The following PRKAG2 variants were observed in gnomAD, a reference collection of about 807,000 sequenced individuals.
The protein encoded by PRKAG2 is 5'-AMP-activated protein kinase subunit gamma-2.
Under a neutral mutation model 69.6 loss-of-function variants are expected in PRKAG2, and 26 were observed. The ratio of observed to expected loss-of-function variants is 0.37; its 90% CI spans 0.27 to 0.52. The LOEUF is 0.52. Among genes scored for constraint, PRKAG2 ranks in the 20% least tolerant of loss-of-function variants. The pLI, the probability that PRKAG2 is intolerant of heterozygous loss-of-function variation, is 0.90. For synonymous variants in PRKAG2, 293 were observed against 285.0 expected (o/e 1.03, Z -0.28); for missense variants, 557 against 740.0 (o/e 0.75, Z 2.87).
At chr7:151,562,305 G>A (rs574728337) in intron 14 of PRKAG2, among the ~76,000 whole-genome samples, 41 of 147,898 alleles carry the variant, frequency 2.8e-4, no homozygotes, top group African/African-American at 1.0e-3. Flanking sequence ...GCAGCTCTGT[G>A]CCGGCTGCGC....
chr7:151,805,066 G>A (rs1409691104), intron 1 of PRKAG2, among the ~76,000 whole-genome samples: 1 of 152,226 alleles, frequency 6.6e-6, no homozygotes, highest in Non-Finnish European at 1.5e-5. Context: ...TACATGTGCT[G>A]TCTCCTGTTG....
rs762318729 is a variant in PRKAG2, at chr7:151,814,552, C to T, written c.115-28011G>A. On this transcript the variant is annotated intron_variant, in intron 1 of 15. Transcript: ENST00000287878. The surrounding 1 kb of genome is among the most constrained non-coding windows in gnomAD (Gnocchi z 4.8). The stretch of plus-strand genomic sequence containing the variant: ...CTCTGACAAATCCTGCTGCCTCACT[C>T]GAAAGGTCCATCAGAGAAGGGGTTT... 1,049 of 1,231,512 alleles carry T rather than the reference C, an allele frequency of 8.5e-4. No individual in the cohort carries two copies. The highest frequency in any genetic ancestry group is 1.0e-3 in the Non-Finnish European group (988 of 988,002). The allele number at this position is 1,231,512 out of a possible 1,614,324, so 76.3% of individuals were successfully genotyped here.
chr7:151,707,658 C>T lies in PRKAG2; in HGVS notation c.467-32021G>A, dbSNP rs528022958. 5.9e-5 allele frequency among the ~76,000 whole-genome samples: 9 copies of T among 152,324 alleles called. No individual in the cohort carries two copies. The East Asian group carries it at 7.7e-4, about 13-fold the overall frequency. On this transcript the variant is annotated intron_variant, in intron 3 of 15. Coordinates refer to ENST00000287878, the MANE Select transcript of PRKAG2 (RefSeq NM_016203.4). ...ATGCAGCCATCTGATGTCACCACCTCATCTCCAGAAGGAGTCCTGAGGGAG... is the reference window on the plus strand; with the variant it reads ...ATGCAGCCATCTGATGTCACCACCTTATCTCCAGAAGGAGTCCTGAGGGAG...
At chr7:151,742,103 A>C (rs915501213) in intron 3 of PRKAG2, among the ~76,000 whole-genome samples, 13 of 152,176 alleles carry the variant, frequency 8.5e-5, no homozygotes, top group African/African-American at 3.1e-4. Flanking sequence ...TGGTAAGTTG[A>C]GAGAAGATGG....
chr7:151,561,791 G>C (rs985102855), intron 14 of PRKAG2, among the ~76,000 whole-genome samples: 1 of 151,992 alleles, frequency 6.6e-6, no homozygotes, highest in Non-Finnish European at 1.5e-5. Flanking sequence ...AAATTAGCCA[G>C]AAGTGCTGGT....
At chr7:151,806,011 C>T (rs1563706714) in intron 1 of PRKAG2, among the ~76,000 whole-genome samples, 1 of 152,160 alleles carries the variant, frequency 6.6e-6, no homozygotes, top group Non-Finnish European at 1.5e-5. Flanking sequence ...CCAGCCTGGC[C>T]AAACCTGTCT....
intron 3 of PRKAG2, among the ~76,000 whole-genome samples, chr7:151,686,393 T>C (rs1173779424): frequency 6.6e-6 from 1 of 152,166 alleles, no homozygotes; most frequent in Admixed American, 6.5e-5. Flanking sequence ...ACAGCTCCCT[T>C]CTATGGAAGA....
chr7:151,701,275 C>T (rs1380266865), intron 3 of PRKAG2, among the ~76,000 whole-genome samples: 5 of 152,216 alleles, frequency 3.3e-5, no homozygotes, highest in Non-Finnish European at 5.9e-5. Flanking sequence ...CCTCACATAG[C>T]TATTTCTTTA....
intron 3 of PRKAG2, among the ~76,000 whole-genome samples, chr7:151,775,220 A>G (rs1292115751): frequency 6.6e-6 from 1 of 152,056 alleles, no homozygotes; most frequent in Non-Finnish European, 1.5e-5. Context: ...TTCCCGCCCT[A>G]CCTCCTGGTT....
chr7:151,821,056 G>A (rs995404891), intron 1 of PRKAG2, among the ~76,000 whole-genome samples: 1 of 152,262 alleles, frequency 6.6e-6, no homozygotes, highest in African/African-American at 2.4e-5. Context: ...AAGGAAAGCT[G>A]TGGAGACAGG....
chr7:151,856,396 C>T (rs73728426), intron 1 of PRKAG2, among the ~76,000 whole-genome samples: 2 of 152,210 alleles, frequency 1.3e-5, no homozygotes, highest in East Asian at 1.9e-4. Context: ...CGGGCCCCTG[C>T]GGAGGCTTGC....
chr7:151,558,011 A>C (rs1191602937), intron 15 of PRKAG2: 1 of 984,892 alleles, frequency 1.0e-6, no homozygotes, highest in African/African-American at 1.7e-5. Context: ...TCATCACAGG[A>C]GCTTCTCTCC....
intron 3 of PRKAG2, among the ~76,000 whole-genome samples, chr7:151,688,794 T>C (rs1835169830): frequency 1.3e-5 from 2 of 152,236 alleles, no homozygotes; most frequent in African/African-American, 4.8e-5. Flanking sequence ...GAATGAAGCA[T>C]GGGTACACAG....
chr7:151,649,282 C>T (rs1170756391), intron 4 of PRKAG2, among the ~76,000 whole-genome samples: 1 of 152,160 alleles, frequency 6.6e-6, no homozygotes, highest in African/African-American at 2.4e-5. Context: ...CCTACCACCA[C>T]ACCTGGCTAA....
At chr7:151,801,547 G>A (rs925478407) in intron 1 of PRKAG2, among the ~76,000 whole-genome samples, 2 of 152,234 alleles carry the variant, frequency 1.3e-5, no homozygotes, top group African/African-American at 2.4e-5. Context: ...TGGGCAGCTG[G>A]TTCATCGGGG....
rs1295405743 is a variant in PRKAG2 at position 151,614,276 on chromosome 7, A to G, written c.754+17793T>C. ...TCTGAGGGTATCCTCAGGAGCTCGCAGGGGACATGGGGCAGGGGCTGGCAC... is the reference window on the plus strand; with the variant it reads ...TCTGAGGGTATCCTCAGGAGCTCGCGGGGGACATGGGGCAGGGGCTGGCAC... On this transcript the variant is annotated intron_variant, in intron 5 of 15. Coordinates refer to ENST00000287878, the MANE Select transcript of PRKAG2 (RefSeq NM_016203.4). The surrounding 1 kb of genome is among the most constrained non-coding windows in gnomAD (Gnocchi z 4.4). Among the ~76,000 whole-genome samples the G allele has an allele frequency of 6.6e-6, 1 of 152,084 alleles. No individual in the cohort carries two copies. Among genetic ancestry groups the G allele is most frequent in the Non-Finnish European group, 1.5e-5 (1 of 67,994 alleles).
rs2076449079 is a variant in PRKAG2 at position 151,777,685 on chromosome 7, C to T, written c.466+3467G>A. Among the ~76,000 whole-genome samples the T allele has an allele frequency of 6.6e-6, 1 of 152,220 alleles. No individual in the cohort carries two copies. The highest frequency in any genetic ancestry group is 1.5e-5 in the Non-Finnish European group (1 of 68,038). ...CCACTCCATCCTGCATCCAGCCTCACAGGCTGGCTGGCTTTGCTCATTACC... is the reference window on the plus strand; with the variant it reads ...CCACTCCATCCTGCATCCAGCCTCATAGGCTGGCTGGCTTTGCTCATTACC... On this transcript the variant is annotated intron_variant, in intron 3 of 15. Transcript: ENST00000287878. This position sits in a 1 kb window ranked among gnomAD's most constrained non-coding sequence, Gnocchi z 4.3.
At chr7:151,651,082 C>A (rs1045108899) in intron 4 of PRKAG2, among the ~76,000 whole-genome samples, 1 of 152,144 alleles carries the variant, frequency 6.6e-6, no homozygotes, top group South Asian at 2.1e-4. Context: ...AGTTTTCAAG[C>A]AAAAATTAGA....
chr7:151,780,776 T>C lies in PRKAG2; in HGVS notation c.466+376A>G, dbSNP rs1438573067. Among the ~76,000 whole-genome samples, 1 of 152,176 alleles carries C rather than the reference T, an allele frequency of 6.6e-6. No homozygotes were observed. The highest frequency in any genetic ancestry group is 1.9e-4 in the East Asian group (1 of 5,192). On this transcript the variant is annotated intron_variant, in intron 3 of 15. Transcript: ENST00000287878. The surrounding 1 kb of genome is among the most constrained non-coding windows in gnomAD (Gnocchi z 4.2). The stretch of plus-strand genomic sequence containing the variant: ...GGCTGACCAAAGCAGTATGGTCCCG[T>C]GGCCCCGGGTGAGGGCCTAAGCTTG...
Sources: gnomAD v4.1 joint callset for allele counts (sites outside exome capture counted in the v4.1 genomes callset) on GRCh38, gnomAD v4.1.1 for gene constraint, Gnocchi (gnomAD v3.1) non-coding constraint, MANE v1.5 for transcripts, NCBI Gene and HGNC (gene_info 2026-07-23, HGNC 2026-07-21) for gene names.